The following AATK variants were observed in gnomAD, a reference collection of about 807,000 sequenced individuals.
AATK encodes lemur tail kinase 1, also known as serine/threonine-protein kinase LMTK1.
Under a neutral mutation model 114.3 loss-of-function variants are expected in AATK, and 91 were observed. That is an observed-to-expected ratio of 0.80 (90% CI 0.67 to 0.95). The LOEUF (loss-of-function observed/expected upper bound fraction) is 0.95, where lower values mean the gene tolerates loss of function less well. Among genes scored for constraint, AATK ranks in the 40% least tolerant of loss-of-function variants. The pLI is 0.00. For synonymous variants in AATK, 1,075 were observed against 916.5 expected, an observed-to-expected ratio of 1.17 and a Z score of -3.12; for missense variants, 2,176 against 1,965.2, an observed-to-expected ratio of 1.11 and a Z score of -2.03.
intron 9 of AATK, among the ~76,000 whole-genome samples, chr17:81,123,961 C>T (rs1321603819): frequency 2.0e-5 from 3 of 152,152 alleles, no homozygotes; most frequent in Admixed American, 2.0e-4. Flanking sequence ...TGGCCAGAGC[C>T]CTGTGACTGG....
At chr17:81,165,116 C>A (rs1338693936) in intron 1 of AATK, among the ~76,000 whole-genome samples, 2 of 152,208 alleles carry the variant, frequency 1.3e-5, no homozygotes, top group East Asian at 3.9e-4. Flanking sequence ...TGGCACAGGG[C>A]AGGGGGATTA....
At chr17:81,160,294 C>A (rs2061414873) in intron 1 of AATK, 1 of 983,700 alleles carries the variant, frequency 1.0e-6, no homozygotes, top group South Asian at 4.7e-5. Flanking sequence ...CAGAGTGACC[C>A]CCGGGAGGAC....
chr17:81,121,357 T>A lies in AATK; in HGVS notation c.2579A>T (p.Asp860Val). The change falls in exon 11 of 14, where the codon GAT (aspartate) becomes GTT (valine). Residue 860 changes from aspartate (D) to valine (V), a missense_variant. Transcript: ENST00000326724. ...SPEVEAPSSE[D>V]EDTAEATSGI... ...TGAGGTGGCCTCGGCCGTGTCCTCA[T>A]CCTCACTGCTGGGTGCCTCCACCTC... 6.2e-7 allele frequency: 1 copy of A among 1,612,002 alleles called. No homozygotes were observed. Among genetic ancestry groups the A allele is most frequent in the Non-Finnish European group, 8.5e-7 (1 of 1,179,642 alleles).
rs774913745 is a variant in AATK at position 81,120,094 on chromosome 17, CAGAG to C, written c.3736-15_3736-12del. On this transcript the variant is annotated splice_polypyrimidine_tract_variant and intron_variant, in intron 11 of 13. Transcript: ENST00000326724. Reference sequence around the variant, plus strand: ...CCGGGTGGGGCTTTCCTGGAGGAATCAGAGAGCACCAGGTAGCTCGGCCGCCAGG... The same window carrying C: ...CCGGGTGGGGCTTTCCTGGAGGAATCAGCACCAGGTAGCTCGGCCGCCAGG... The C allele has an allele frequency of 1.3e-5, 19 of 1,462,546 alleles. No individual in the cohort carries two copies. Among genetic ancestry groups the C allele is most frequent in the African/African-American group, 2.9e-5 (2 of 68,446 alleles). 90.6% of individuals were successfully genotyped at this position (1,462,546 alleles called of 1,614,324 possible). A position where few individuals can be genotyped will look rare whatever the true frequency, so the allele number is the denominator to read the frequency against.
At position 81,120,044 on chromosome 17, in the gene AATK, C is replaced by T. The variant is rs1219309980; in HGVS notation, c.3775G>A (p.Ala1259Thr). 1.4e-6 allele frequency: 2 copies of T among 1,455,702 alleles called. No homozygotes were observed. The highest frequency in any genetic ancestry group is 1.5e-5 in the African/African-American group (1 of 68,066). The allele number at this position is 1,455,702 out of a possible 1,614,324, so 90.2% of individuals were successfully genotyped here. The change falls in exon 12 of 14, where the codon GCC becomes ACC. Residue 1259 changes from alanine to threonine, a missense_variant. By Grantham distance (58) the Ala-to-Thr change is moderately conservative. Around this residue, in one of 4 missense-constraint regions of AATK, gnomAD observed 1,701 missense variants for 1,394.7 expected, o/e 1.22. Coordinates refer to ENST00000326724, the MANE Select transcript of AATK (RefSeq NM_001080395.3). ...AGGAACGTAGGGGGCGATTCCTTGG[C>T]GCCCGGGAAGGGCTCCCCGAGCTCC... Reference protein sequence around the residue: ...TRELGEPFPGAKESPPTFLRG... With the variant: ...TRELGEPFPGTKESPPTFLRG...
At chr17:81,143,904 T>G (rs1038708474) in intron 1 of AATK, among the ~76,000 whole-genome samples, 2 of 152,228 alleles carry the variant, frequency 1.3e-5, no homozygotes, top group Non-Finnish European at 2.9e-5. Context: ...TAGCTCAGTC[T>G]GAGGTTCCAA....
Position 81,131,135 on chromosome 17 carries a change from T to A in AATK, c.260A>T (p.Gln87Leu), listed in dbSNP as rs1406233770. ...CAGGACGTACACGTCGGGCCCGTTC[T>A]GTGCTGCCGTGGCCGGGGAGCCCTG... ...LAQGSPATAA[Q>L]NGPDVYVLPL... The change falls in exon 3 of 14, where the codon CAG (glutamine) becomes CTG (leucine). Residue 87 changes from glutamine to leucine, a missense_variant. By Grantham distance (113) the Gln-to-Leu change is moderately radical (BLOSUM62 -2). This residue lies in a region of AATK where 178 missense variants were observed against 175.4 expected (regional missense o/e 1.01). Transcript: ENST00000326724. The A allele has an allele frequency of 6.4e-7, 1 of 1,571,640 alleles. No individual in the cohort carries two copies. Among genetic ancestry groups the A allele is most frequent in the South Asian group, 1.2e-5 (1 of 85,750 alleles).
At chr17:81,143,529 GC>G (rs2061170079) in intron 1 of AATK, among the ~76,000 whole-genome samples, 3 of 88,390 alleles carry the variant, frequency 3.4e-5, no homozygotes, top group Non-Finnish European at 5.0e-5. Context: ...CAGCCATGCA[GC>G]CCCCACCCCC....
At position 81,131,129 on chromosome 17, in the gene AATK, C is replaced by T. The variant is rs2060924027; in HGVS notation, c.266G>A (p.Gly89Glu). The change falls in exon 3 of 14, where the codon GGG becomes GAG. Residue 89 changes from glycine to glutamate, a missense_variant. Physicochemically the swap from Gly to Glu is moderately conservative, Grantham distance 98. Transcript: ENST00000326724. ...GAGTGGCAGGACGTACACGTCGGGC[C>T]CGTTCTGTGCTGCCGTGGCCGGGGA... is the stretch of plus-strand genomic sequence containing the variant. ...QGSPATAAQN[G>E]PDVYVLPLTE... 6.4e-7 allele frequency: 1 copy of T among 1,567,162 alleles called. No homozygotes were observed. The highest frequency in any genetic ancestry group is 1.4e-5 in the African/African-American group (1 of 73,784).
Position 81,120,737 on chromosome 17 carries a change from G to A in AATK, c.3199C>T (p.Pro1067Ser). The A allele has an allele frequency of 1.9e-6, 3 of 1,575,688 alleles. No individual in the cohort carries two copies. Among genetic ancestry groups the A allele is most frequent in the Non-Finnish European group, 2.6e-6 (3 of 1,161,134 alleles). The change falls in exon 11 of 14, where the codon CCA becomes TCA. Residue 1067 changes from proline to serine, a missense_variant. Pro to Ser is a moderately conservative substitution (Grantham distance 74). This residue lies in a region of AATK where 1,701 missense variants were observed against 1,394.7 expected (regional missense o/e 1.22). Transcript: ENST00000326724. Reference protein sequence around the residue: ...PPLLQLEGSSPEPSTCPSGLV... With the variant: ...PPLLQLEGSSSEPSTCPSGLV... ...CCCGAGGGGCAGGTGCTGGGCTCTG[G>A]GGAGGACCCTTCAAGCTGCAGCAGT...
Position 81,123,286 on chromosome 17 carries a change from C to G in AATK, c.1020G>C (p.Gln340His). The G allele has an allele frequency of 5.0e-6, 7 of 1,406,794 alleles. No individual in the cohort carries two copies. The highest frequency in any genetic ancestry group is 6.5e-6 in the Non-Finnish European group (7 of 1,079,732). The allele number at this position is 1,406,794 out of a possible 1,614,324, so 87.1% of individuals were successfully genotyped here. ...LFELGTQPYPQHSDQQVLAYT... is the reference protein window; with the variant it reads ...LFELGTQPYPHHSDQQVLAYT... ...ACGCCAGCACCTGCTGGTCCGAGTG[C>G]TGGGGATAGGGCTGCGTGCCCAGCT... Residue 340 changes from glutamine to histidine, a missense_variant, in exon 10 of 14, where the codon CAG becomes CAC. By Grantham distance (24) the Gln-to-His change is conservative. Transcript: ENST00000326724.
At chr17:81,145,964 G>T (rs1279579864) in intron 1 of AATK, among the ~76,000 whole-genome samples, 2 of 151,922 alleles carry the variant, frequency 1.3e-5, no homozygotes, top group African/African-American at 4.8e-5. Context: ...GAGGCAGGCG[G>T]ATCACTCGAG....
chr17:81,120,571 C>T lies in AATK; in HGVS notation c.3365G>A (p.Gly1122Glu). 6.5e-7 allele frequency: 1 copy of T among 1,527,568 alleles called. No homozygotes were observed. Among genetic ancestry groups the T allele is most frequent in the Non-Finnish European group, 8.8e-7 (1 of 1,139,984 alleles). The allele number at this position is 1,527,568 out of a possible 1,614,324, so 94.6% of individuals were successfully genotyped here. The change falls in exon 11 of 14, where the codon GGA becomes GAA. Residue 1122 changes from glycine (G) to glutamate (E), a missense_variant. Gly to Glu is a moderately conservative substitution (Grantham distance 98). This residue lies in a region of AATK where 1,701 missense variants were observed against 1,394.7 expected (regional missense o/e 1.22). Coordinates refer to ENST00000326724, the MANE Select transcript of AATK (RefSeq NM_001080395.3). ...TTGTGGGGCCGGCCCTGACAACAGT[C>T]CTGGGGGCCCCTGGAACTCAGAGCT... ...GNSSEFQGPP[G>E]LLSGPAPQKR...
chr17:81,152,709 C>T (rs376619771), intron 1 of AATK, among the ~76,000 whole-genome samples: 6 of 152,300 alleles, frequency 3.9e-5, no homozygotes, highest in African/African-American at 4.8e-5. Context: ...GCACACTCGG[C>T]GGTGAGCTGA....
intron 11 of AATK, 25 bp downstream of exon 11, chr17:81,120,176 C>A: frequency 6.5e-7 from 1 of 1,545,548 alleles, no homozygotes; most frequent in Middle Eastern, 1.8e-4. Flanking sequence ...CAGCCCCGGG[C>A]AGACCCCGGG....
At position 81,118,041 on chromosome 17, in the gene AATK, C is replaced by G. The variant is rs950797650; in HGVS notation, c.*361G>C. The G allele has an allele frequency of 3.9e-5, 9 of 233,274 alleles. No individual in the cohort carries two copies. The highest frequency in any genetic ancestry group is 2.0e-4 in the African/African-American group (9 of 44,210). The allele number at this position is 233,274 out of a possible 1,614,324, so 14.5% of individuals were successfully genotyped here. ...CGGAGGAGCTGCCGGATGGGGCATG[C>G]GGGTCCTCCGAGGCCAGGCAGGCAG... On this transcript the variant is annotated 3_prime_UTR_variant, in exon 14 of 14. Transcript: ENST00000326724.
At chr17:81,154,704 A>T (rs2061340170) in intron 1 of AATK, among the ~76,000 whole-genome samples, 1 of 142,316 alleles carries the variant, frequency 7.0e-6, no homozygotes, top group Non-Finnish European at 1.5e-5. Flanking sequence ...ATCTCGGCTC[A>T]CTGCAACCTC....
At chr17:81,145,964 G>C (rs1279579864) in intron 1 of AATK, among the ~76,000 whole-genome samples, 1 of 151,922 alleles carries the variant, frequency 6.6e-6, no homozygotes, top group Non-Finnish European at 1.5e-5. Context: ...GAGGCAGGCG[G>C]ATCACTCGAG....
chr17:81,122,162 C>G lies in AATK; in HGVS notation c.1774G>C (p.Asp592His). The stretch of plus-strand genomic sequence containing the variant: ...GCCAAGCTTCTGCGAGGGTAGTGGT[C>G]GCCGCGGCCCCAGGGGACGTCGACG... ...PPVDVPWGRG[D>H]HYPRRSLARD... Residue 592 changes from aspartate to histidine, a missense_variant, in exon 11 of 14, where the codon GAC becomes CAC. This residue lies in a region of AATK where 1,701 missense variants were observed against 1,394.7 expected (regional missense o/e 1.22). Coordinates refer to ENST00000326724, the MANE Select transcript of AATK (RefSeq NM_001080395.3). 6.6e-7 allele frequency: 1 copy of G among 1,515,524 alleles called. No individual in the cohort carries two copies. Among genetic ancestry groups the G allele is most frequent in the South Asian group, 1.2e-5 (1 of 82,722 alleles). The allele number at this position is 1,515,524 out of a possible 1,614,324, so 93.9% of individuals were successfully genotyped here. A position where few individuals can be genotyped will look rare whatever the true frequency, so the allele number is the denominator to read the frequency against.
Sources: allele counts gnomAD v4.1 joint callset (sites outside exome capture counted in the v4.1 genomes callset), GRCh38; gene constraint gnomAD v4.1.1; regional missense constraint gnomAD v4.1.1; transcripts MANE v1.5; gene names NCBI Gene and HGNC (gene_info 2026-07-23, HGNC 2026-07-21).